The following SLC6A16 variants were observed in gnomAD, a reference collection of about 807,000 sequenced individuals.
SLC6A16 encodes solute carrier family 6 member 16, also known as orphan sodium- and chloride-dependent neurotransmitter transporter NTT5.
A neutral mutation model predicts 65.4 loss-of-function variants in SLC6A16; 54 were observed. The observed-to-expected ratio is 0.83, with a 90% CI of 0.66 to 1.04. The LOEUF (loss-of-function observed/expected upper bound fraction) is 1.04, where lower values mean the gene tolerates loss of function less well. Ranked by LOEUF, SLC6A16 falls within the 50% of genes least tolerant of loss-of-function variation. SLC6A16 has a pLI of 0.00. For synonymous variants in SLC6A16, 330 were observed against 346.5 expected (o/e 0.95, Z 0.53); for missense variants, 816 against 914.0 (o/e 0.89, Z 1.38).
chr19:49,335,040 G>A, the SLC6A16 span: 1 of 159,382 alleles, frequency 6.3e-6, no homozygotes, highest in Non-Finnish European at 1.4e-5. The surrounding 1 kb of genome is among the most constrained non-coding windows in gnomAD (Gnocchi z 4.6). Context: ...AAGACCCAGA[G>A]AGGAGGAACA....
intron 5 of SLC6A16, 47 bp downstream of exon 5, chr19:49,309,604 G>C: frequency 6.4e-7 from 1 of 1,554,336 alleles, no homozygotes; most frequent in Non-Finnish European, 8.9e-7. Context: ...TTGAGGTAAG[G>C]GCTAAAGCAT....
upstream of SLC6A16, among the ~76,000 whole-genome samples, chr19:49,326,999 A>G (rs935221536): frequency 1.3e-5 from 2 of 151,722 alleles, no homozygotes; most frequent in Non-Finnish European, 2.9e-5. Flanking sequence ...AGCCTGGGTG[A>G]TGGGGTAAGA....
the SLC6A16 span, among the ~76,000 whole-genome samples, chr19:49,334,340 G>A: frequency 6.6e-6 from 1 of 151,894 alleles, no homozygotes; most frequent in Non-Finnish European, 1.5e-5. Context: ...AAGAAAATTA[G>A]CCAGGCATGG....
In SLC6A16 at chr19:49,293,859, G is replaced by C; in HGVS notation, c.1586C>G (p.Ser529Cys). The C allele has an allele frequency of 6.2e-7, 1 of 1,614,084 alleles. No individual in the cohort carries two copies. Among genetic ancestry groups the C allele is most frequent in the Non-Finnish European group, 8.5e-7 (1 of 1,180,020 alleles). ...CAGCTTTGTATGTTTCCTGAAGAAA[G>C]AGAAGGTGTCCTGGAGTGGAGTAAT... ...GIITPLQDTF[S>C]FFRKHTKLLI... The change falls in exon 9 of 12, where the codon TCT (serine) becomes TGT (cysteine). Residue 529 changes from serine to cysteine, a missense_variant. Ser to Cys is a moderately radical substitution (Grantham distance 112). Transcript: ENST00000335875.
At position 49,293,374 on chromosome 19, in the gene SLC6A16, A is replaced by T. The variant is rs1368118228; in HGVS notation, c.1627T>A (p.Phe543Ile). The T allele has an allele frequency of 1.2e-6, 2 of 1,614,172 alleles. No individual in the cohort carries two copies. The highest frequency in any genetic ancestry group is 1.7e-6 in the Non-Finnish European group (2 of 1,180,024). The change falls in exon 10 of 12, where the codon TTT becomes ATT. Residue 543 changes from phenylalanine to isoleucine, a missense_variant. Physicochemically the swap from Phe to Ile is conservative, Grantham distance 21. Coordinates refer to ENST00000335875, the MANE Select transcript of SLC6A16 (RefSeq NM_014037.3). ...KHTKLLIVGV[F>I]LLMFVCGLFF... ...AGGCCGCACACGAACATGAGCAAAAAGACTCCCACTGGAGAAAACATGAGA... is the reference window on the plus strand; with the variant it reads ...AGGCCGCACACGAACATGAGCAAAATGACTCCCACTGGAGAAAACATGAGA...
At chr19:49,330,344 A>C in the SLC6A16 span, among the ~76,000 whole-genome samples, 4 of 152,126 alleles carry the variant, frequency 2.6e-5, no homozygotes, top group African/African-American at 9.7e-5. Flanking sequence ...AGTTCAGGGG[A>C]AAGTTTGAGG....
At chr19:49,321,968 GA>G (rs545345932) in intron 1 of SLC6A16, among the ~76,000 whole-genome samples, 166 of 150,986 alleles carry the variant, frequency 1.1e-3, no homozygotes, top group Admixed American at 0.011. Flanking sequence ...AGCCATATAC[GA>G]AAAACTCACA....
the SLC6A16 span, chr19:49,338,868 C>G: frequency 6.8e-6 from 11 of 1,614,158 alleles, no homozygotes; most frequent in Non-Finnish European, 9.3e-6. The surrounding 1 kb of genome is among the most constrained non-coding windows in gnomAD (Gnocchi z 5.0). Context: ...CAGGCTTGGA[C>G]ACCTGGCGCG....
chr19:49,317,274 G>T (rs1970628501), intron 1 of SLC6A16, among the ~76,000 whole-genome samples: 1 of 152,002 alleles, frequency 6.6e-6, no homozygotes, highest in Non-Finnish European at 1.5e-5. Context: ...CCAGGAGGGG[G>T]AGGTTGCAGT....
chr19:49,310,697 C>T (rs904198443), intron 2 of SLC6A16, among the ~76,000 whole-genome samples, 187 bp from the exon 3 acceptor site: 1 of 152,182 alleles, frequency 6.6e-6, no homozygotes, highest in African/African-American at 2.4e-5. Context: ...TCCTGGAAGA[C>T]CCAAGTACCT....
chr19:49,315,289 A>G (rs1302022350), intron 1 of SLC6A16, among the ~76,000 whole-genome samples: 2 of 152,176 alleles, frequency 1.3e-5, no homozygotes, highest in Non-Finnish European at 2.9e-5. Context: ...CTTGCCAAAG[A>G]CCTTCTGCTC....
At chr19:49,319,350 G>A (rs1385939847) in intron 1 of SLC6A16, among the ~76,000 whole-genome samples, 2 of 151,282 alleles carry the variant, frequency 1.3e-5, no homozygotes, top group Non-Finnish European at 2.9e-5. Context: ...AGATGAACCT[G>A]CTGTATGTTG....
chr19:49,310,785 T>C, intron 2 of SLC6A16, 148 bp downstream of exon 2: 1 of 745,280 alleles, frequency 1.3e-6, no homozygotes. Context: ...CTCATGATCC[T>C]AAGTGTCCAG....
chr19:49,318,115 G>T (rs552421060), intron 1 of SLC6A16, among the ~76,000 whole-genome samples: 1 of 152,112 alleles, frequency 6.6e-6, no homozygotes, highest in African/African-American at 2.4e-5. Context: ...GTACCTTCGA[G>T]CCATTAGCTA....
chr19:49,325,288 G>A (rs1970782591), upstream of SLC6A16: 7 of 966,268 alleles, frequency 7.2e-6, no homozygotes, highest in Non-Finnish European at 8.6e-6. Context: ...TAACCACTTC[G>A]CCCTCCCCAA....
chr19:49,323,458 A>G (rs1194232092), intron 1 of SLC6A16, among the ~76,000 whole-genome samples: 1 of 152,206 alleles, frequency 6.6e-6, no homozygotes, highest in East Asian at 1.9e-4. Context: ...TGAAAATCAT[A>G]TGTATAATAA....
chr19:49,336,666 G>A, the SLC6A16 span: 1 of 475,100 alleles, frequency 2.1e-6, no homozygotes. Context: ...TGGGGACGAG[G>A]AGGAGCTGAA....
chr19:49,324,148 A>G (rs933157679), intron 1 of SLC6A16, among the ~76,000 whole-genome samples: 3 of 152,092 alleles, frequency 2.0e-5, no homozygotes, highest in African/African-American at 4.8e-5. Flanking sequence ...AGGCCAACAC[A>G]GTGAAACCCC....
intron 4 of SLC6A16, 72 bp from the exon 5 acceptor site, chr19:49,309,898 C>T: frequency 1.9e-6 from 3 of 1,550,232 alleles, no homozygotes; most frequent in Admixed American, 1.8e-5. Context: ...CCTCCCCCAC[C>T]TCCCTTTTCT....
Sources: allele counts gnomAD v4.1 joint callset (sites outside exome capture counted in the v4.1 genomes callset), GRCh38; gene constraint gnomAD v4.1.1; non-coding constraint Gnocchi (gnomAD v3.1); transcripts MANE v1.5; gene names NCBI Gene and HGNC (gene_info 2026-07-23, HGNC 2026-07-21).